PCDH15: variants seen among roughly 807,000 people sequenced by gnomAD.
PCDH15 encodes protocadherin-15.
PCDH15 carries 129 observed loss-of-function variants against 178.5 expected under a neutral mutation model. The observed-to-expected ratio is 0.72, with a 90% CI of 0.63 to 0.84. PCDH15 has a LOEUF of 0.84. Among genes scored for constraint, PCDH15 ranks in the 40% least tolerant of loss-of-function variants. The pLI is 0.00. For synonymous variants in PCDH15, 800 were observed against 732.0 expected (o/e 1.09, Z -1.50); for missense variants, 2,230 against 2,099.9 (o/e 1.06, Z -1.21).
chr10:55,307,463 A>G (rs1019513484), intron 1 of PCDH15, among the ~76,000 whole-genome samples: 1 of 151,736 alleles, frequency 6.6e-6, no homozygotes, highest in African/African-American at 2.4e-5. Context: ...AGATCGCACC[A>G]CTGCACTCCA....
intron 9 of PCDH15, among the ~76,000 whole-genome samples, chr10:54,231,066 A>G (rs897573609): frequency 6.6e-6 from 1 of 152,198 alleles, no homozygotes; most frequent in African/African-American, 2.4e-5. Flanking sequence ...AATTTCAGCT[A>G]CATATATGAT....
chr10:54,745,254 T>C (rs1401587648), intron 1 of PCDH15, among the ~76,000 whole-genome samples: 4 of 152,138 alleles, frequency 2.6e-5, no homozygotes, highest in African/African-American at 7.2e-5. Context: ...TTCCAAAATT[T>C]TATAAATTAC....
chr10:55,145,979 C>A (rs879437464), intron 2 of PCDH15, among the ~76,000 whole-genome samples: 1 of 151,890 alleles, frequency 6.6e-6, no homozygotes, highest in Non-Finnish European at 1.5e-5. Context: ...AACCATACAA[C>A]CATAAACAGG....
At chr10:54,670,807 T>C (rs1027078347) in intron 1 of PCDH15, among the ~76,000 whole-genome samples, 1 of 152,164 alleles carries the variant, frequency 6.6e-6, no homozygotes, top group Non-Finnish European at 1.5e-5. Flanking sequence ...ACTAAGCTTC[T>C]ACTATAGAAA....
intron 2 of PCDH15, among the ~76,000 whole-genome samples, chr10:54,563,897 C>A (rs1274940044): frequency 6.6e-6 from 1 of 152,042 alleles, no homozygotes; most frequent in African/African-American, 2.4e-5. Flanking sequence ...AAGAAAAAAA[C>A]AAACATTCGA....
intron 10 of PCDH15, among the ~76,000 whole-genome samples, chr10:54,211,276 A>G (rs1207087662): frequency 1.3e-5 from 2 of 152,164 alleles, no homozygotes; most frequent in Admixed American, 1.3e-4. Context: ...ATAATTACAC[A>G]AAGACAATGG....
At chr10:55,168,934 A>G (rs992161345) in intron 1 of PCDH15, among the ~76,000 whole-genome samples, 1 of 152,130 alleles carries the variant, frequency 6.6e-6, no homozygotes, top group Non-Finnish European at 1.5e-5. Flanking sequence ...TAGGATTTCA[A>G]TTAAACAAAT....
At chr10:55,294,890 A>T (rs1459983247) in intron 1 of PCDH15, among the ~76,000 whole-genome samples, 1 of 152,188 alleles carries the variant, frequency 6.6e-6, no homozygotes, top group Non-Finnish European at 1.5e-5. Flanking sequence ...ATCAAAATTC[A>T]TTATATTTTT....
At chr10:54,363,143 G>T (rs544757727) in intron 5 of PCDH15, among the ~76,000 whole-genome samples, 1 of 152,176 alleles carries the variant, frequency 6.6e-6, no homozygotes, top group South Asian at 2.1e-4. Context: ...GCCAGGCACT[G>T]TTCTACTCAA....
At chr10:53,893,215 G>A (rs913342276) in intron 26 of PCDH15, among the ~76,000 whole-genome samples, 2 of 152,092 alleles carry the variant, frequency 1.3e-5, no homozygotes, top group African/African-American at 2.4e-5. Context: ...TGTCACCAGT[G>A]AGGCTAAATA....
chr10:53,965,324 C>T (rs1249496474), intron 21 of PCDH15, among the ~76,000 whole-genome samples: 4 of 152,110 alleles, frequency 2.6e-5, no homozygotes, highest in African/African-American at 7.2e-5. Flanking sequence ...TTCCAAAGGG[C>T]TGAGATTACA....
chr10:54,649,925 A>G (rs1351883982), intron 2 of PCDH15, among the ~76,000 whole-genome samples: 1 of 152,132 alleles, frequency 6.6e-6, no homozygotes, highest in Non-Finnish European at 1.5e-5. Context: ...TAGCTGACGC[A>G]TTTTATGTCT....
intron 15 of PCDH15, among the ~76,000 whole-genome samples, chr10:54,099,531 T>TATATATATATAA (rs998333562): frequency 2.3e-5 from 3 of 129,670 alleles, no homozygotes; most frequent in African/African-American, 8.9e-5. Context: ...TATATATATA[T>TATATATATATAA]AAAACAAAAA....
At chr10:54,894,344 T>C (rs922599543) in intron 3 of PCDH15, among the ~76,000 whole-genome samples, 1 of 152,110 alleles carries the variant, frequency 6.6e-6, no homozygotes, top group Non-Finnish European at 1.5e-5. Flanking sequence ...ATATAATGTT[T>C]AGGGAAGAAT....
chr10:54,629,378 A>T (rs2134647094), intron 2 of PCDH15, among the ~76,000 whole-genome samples: 1 of 152,314 alleles, frequency 6.6e-6, no homozygotes, highest in Middle Eastern at 3.4e-3. Context: ...CCAGAAGCAC[A>T]TGAAAAAGTT....
chr10:54,920,776 T>C (rs1218203438), intron 2 of PCDH15, among the ~76,000 whole-genome samples: 2 of 152,146 alleles, frequency 1.3e-5, no homozygotes, highest in Admixed American at 6.6e-5. Flanking sequence ...TTTTAGTAAT[T>C]ATGCAGTTGT....
chr10:53,966,557 G>A (rs2089042575), intron 21 of PCDH15, among the ~76,000 whole-genome samples: 1 of 151,902 alleles, frequency 6.6e-6, no homozygotes, highest in African/African-American at 2.4e-5. Flanking sequence ...TTATTTCTGG[G>A]AAATTTACAA....
At chr10:54,159,697 T>C (rs576756036) in intron 13 of PCDH15, among the ~76,000 whole-genome samples, 5 of 152,292 alleles carry the variant, frequency 3.3e-5, no homozygotes, top group Admixed American at 2.0e-4. Flanking sequence ...TAATGTAATA[T>C]ATAATTATTC....
chr10:55,256,854 T>A (rs923586639), intron 1 of PCDH15, among the ~76,000 whole-genome samples: 1 of 152,194 alleles, frequency 6.6e-6, no homozygotes, highest in African/African-American at 2.4e-5. Context: ...ACTGTCCCTG[T>A]CTGACAGCTT....
Sources: gnomAD v4.1 joint callset for allele counts (sites outside exome capture counted in the v4.1 genomes callset) on GRCh38, gnomAD v4.1.1 for gene constraint, MANE v1.5 for transcripts, NCBI Gene and HGNC (gene_info 2026-07-23, HGNC 2026-07-21) for gene names.